The following HCK variants were observed in gnomAD, a reference collection of about 807,000 sequenced individuals.
HCK encodes the protein HCK proto-oncogene, Src family tyrosine kinase, also known as tyrosine-protein kinase HCK.
Under a neutral mutation model 70.4 loss-of-function variants are expected in HCK, and 40 were observed. The ratio of observed to expected loss-of-function variants is 0.57; its 90% CI spans 0.44 to 0.74. HCK has a LOEUF of 0.74. Ranked by LOEUF, HCK falls within the 30% of genes least tolerant of loss-of-function variation. HCK has a pLI of 0.00. For synonymous variants in HCK, 245 were observed against 263.2 expected, an observed-to-expected ratio of 0.93 and a Z score of 0.67; for missense variants, 568 against 697.2, an observed-to-expected ratio of 0.81 and a Z score of 2.09.
chr20:32,065,796 G>A (rs867287861), intron 1 of HCK, among the ~76,000 whole-genome samples: 25 of 152,156 alleles, frequency 1.6e-4, no homozygotes, highest in African/African-American at 5.1e-4. Context: ...GGGTGGGATC[G>A]GCCCCACCAA....
At chr20:32,068,350 A>C (rs2045490189) in intron 1 of HCK, among the ~76,000 whole-genome samples, 1 of 151,864 alleles carries the variant, frequency 6.6e-6, no homozygotes, top group African/African-American at 2.4e-5. Flanking sequence ...ACTAAAAATA[A>C]ATTTAAAAGG....
intron 2 of HCK, 87 bp downstream of exon 2, chr20:32,071,869 G>T: frequency 6.6e-7 from 1 of 1,516,330 alleles, no homozygotes; most frequent in Non-Finnish European, 8.9e-7. Flanking sequence ...CCCAAGGTTG[G>T]GCAGGGTGAG....
intron 1 of HCK, among the ~76,000 whole-genome samples, chr20:32,062,502 C>T (rs1289388703): frequency 6.6e-6 from 1 of 152,114 alleles, no homozygotes; most frequent in Non-Finnish European, 1.5e-5. Context: ...CAGAGCCAGC[C>T]CTATGGCTCA....
chr20:32,087,858 G>A (rs187147856), intron 9 of HCK, among the ~76,000 whole-genome samples: 5 of 152,190 alleles, frequency 3.3e-5, no homozygotes, highest in Admixed American at 2.6e-4. Flanking sequence ...TAGCCAGGAT[G>A]GTCTCAATCT....
intron 1 of HCK, among the ~76,000 whole-genome samples, chr20:32,053,986 T>C (rs2045223974): frequency 6.6e-6 from 1 of 150,414 alleles, no homozygotes. Context: ...CATGGTTTTC[T>C]CTTTATGGTC....
intron 5 of HCK, among the ~76,000 whole-genome samples, chr20:32,079,198 T>C (rs2045673296): frequency 6.6e-6 from 1 of 152,220 alleles, no homozygotes; most frequent in Non-Finnish European, 1.5e-5. Flanking sequence ...ATAAAATTCT[T>C]TCCAATCTCA....
chr20:32,095,977 C>T lies in HCK; in HGVS notation c.1246+1961C>T, dbSNP rs1600747801. ...CCATCTCAGCTCACTGCAAACTCCA[C>T]CTCCTGGGTTTAAGTGATTGTCCTG... On this transcript the variant is annotated intron_variant, in intron 11 of 12. Transcript: ENST00000375852. 2.6e-5 allele frequency among the ~76,000 whole-genome samples: 4 copies of T among 151,850 alleles called. 1 individual carries two copies. The highest frequency in any genetic ancestry group is 9.6e-5 in the African/African-American group (4 of 41,486).
At chr20:32,081,708 T>C (rs1254861738) in intron 6 of HCK, among the ~76,000 whole-genome samples, 2 of 152,176 alleles carry the variant, frequency 1.3e-5, no homozygotes, top group African/African-American at 4.8e-5. Flanking sequence ...ACGAGCCCCA[T>C]TCAAGCCCCC....
intron 1 of HCK, among the ~76,000 whole-genome samples, chr20:32,067,169 C>T (rs1266999355): frequency 1.3e-5 from 2 of 152,098 alleles, no homozygotes; most frequent in African/African-American, 4.8e-5. Flanking sequence ...TTTGCATGGC[C>T]CCTCCTATGT....
intron 9 of HCK, 150 bp downstream of exon 9, chr20:32,086,957 G>A: frequency 1.5e-6 from 1 of 682,888 alleles, no homozygotes; most frequent in Non-Finnish European, 2.3e-6. Context: ...ATCTAATGTG[G>A]AACAATCCAG....
At chr20:32,096,956 A>G (rs190260185) in intron 11 of HCK, among the ~76,000 whole-genome samples, 222 of 152,280 alleles carry the variant, frequency 1.5e-3, no homozygotes, top group Non-Finnish European at 1.5e-3. Flanking sequence ...AGATTTGTGC[A>G]TATTATTTCA....
intron 9 of HCK, among the ~76,000 whole-genome samples, chr20:32,087,867 C>G (rs1330832004): frequency 1.3e-5 from 2 of 152,070 alleles, no homozygotes; most frequent in African/African-American, 4.8e-5. Flanking sequence ...TGGTCTCAAT[C>G]TCCTGACCTT....
At chr20:32,083,707 G>T (rs2045738493) in intron 6 of HCK, among the ~76,000 whole-genome samples, 187 bp from the exon 7 acceptor site, 2 of 152,230 alleles carry the variant, frequency 1.3e-5, no homozygotes, top group Admixed American at 6.5e-5. Flanking sequence ...GGTCTCACGG[G>T]TGGATGTGGT....
chr20:32,064,502 A>G (rs2045428031), intron 1 of HCK, among the ~76,000 whole-genome samples: 1 of 152,238 alleles, frequency 6.6e-6, no homozygotes, highest in South Asian at 2.1e-4. Context: ...CTTCTTTCAG[A>G]GAACTTCTAA....
intron 11 of HCK, among the ~76,000 whole-genome samples, chr20:32,097,473 G>A (rs565751025): frequency 9.5e-4 from 144 of 152,048 alleles, no homozygotes; most frequent in African/African-American, 3.4e-3. Context: ...CAGCTACTTG[G>A]GAGACTGAGG....
In HCK at chr20:32,071,775, T is replaced by G. The variant is rs760767518; in HGVS notation, c.176T>G (p.Ile59Ser). ...TACGTGCCGGATCCCACATCCACCA[T>G]CAAGCCGGTGAGTAGGGGAGGTCCC... The change falls in exon 2 of 13, where the codon ATC (isoleucine) becomes AGC (serine). Residue 59 changes from isoleucine to serine, a missense_variant. Coordinates refer to ENST00000375852, the MANE Select transcript of HCK (RefSeq NM_002110.5). The G allele has an allele frequency of 9.9e-6, 16 of 1,613,512 alleles. No individual in the cohort carries two copies. Among genetic ancestry groups the G allele is most frequent in the Non-Finnish European group, 1.4e-5 (16 of 1,179,816 alleles).
intron 1 of HCK, among the ~76,000 whole-genome samples, chr20:32,063,992 C>CTTTTTTT (rs58620860): frequency 1.8e-5 from 1 of 54,210 alleles, no homozygotes; most frequent in Non-Finnish European, 3.1e-5. Context: ...ATCTCTACTT[C>CTTTTTTT]TTTTTTTTTT....
Position 32,057,540 on chromosome 20 carries a change from C to T in HCK, c.62+5054C>T, listed in dbSNP as rs1200610179. Among the ~76,000 whole-genome samples the T allele has an allele frequency of 4.6e-5, 7 of 152,102 alleles. No homozygotes were observed. The South Asian group carries it at 1.4e-3, about 32-fold the overall frequency. On this transcript the variant is annotated intron_variant, in intron 1 of 12. Coordinates refer to ENST00000375852, the MANE Select transcript of HCK (RefSeq NM_002110.5). Reference sequence around the variant, plus strand: ...GTCTGAGCACAGAAGGTGAAGGTTGCAGTGATCTGAGACTGCACCACTGTA... The same window carrying T: ...GTCTGAGCACAGAAGGTGAAGGTTGTAGTGATCTGAGACTGCACCACTGTA...
intron 5 of HCK, among the ~76,000 whole-genome samples, chr20:32,079,445 C>G (rs1220722657): frequency 1.3e-5 from 2 of 152,172 alleles, no homozygotes; most frequent in African/African-American, 4.8e-5. Flanking sequence ...TCCCTCACAG[C>G]GAGCAGCACT....
Sources: gnomAD v4.1 joint callset for allele counts (sites outside exome capture counted in the v4.1 genomes callset) on GRCh38, gnomAD v4.1.1 for gene constraint, MANE v1.5 for transcripts, NCBI Gene and HGNC (gene_info 2026-07-23, HGNC 2026-07-21) for gene names.